The following PPP1R16B variants were observed in gnomAD, a reference collection of about 807,000 sequenced individuals.
PPP1R16B encodes protein phosphatase 1 regulatory inhibitor subunit 16B.
PPP1R16B carries 14 observed loss-of-function variants against 61.7 expected under a neutral mutation model. The ratio of observed to expected loss-of-function variants is 0.23; its 90% confidence interval spans 0.15 to 0.35. The LOEUF is 0.35. PPP1R16B is among the 10% of genes least tolerant of loss of function. PPP1R16B has a pLI of 1.00. For missense variants in PPP1R16B, 547 were observed against 752.5 expected, an observed-to-expected ratio of 0.73 and a Z score of 3.19; for synonymous variants, 266 against 305.3, an observed-to-expected ratio of 0.87 and a Z score of 1.34.
chr20:38,906,118 G>T (rs201970172), intron 7 of PPP1R16B, 24 bp downstream of exon 7: 2 of 1,607,246 alleles, frequency 1.2e-6, no homozygotes, highest in South Asian at 1.1e-5. Context: ...ACAGGGCTGT[G>T]GGGGAGGCCG....
intron 1 of PPP1R16B, among the ~76,000 whole-genome samples, chr20:38,829,425 C>G (rs1386004578): frequency 6.6e-6 from 1 of 152,226 alleles, no homozygotes; most frequent in African/African-American, 2.4e-5. Flanking sequence ...ACTCTGTTGA[C>G]TTGTGGGCCC....
chr20:38,893,267 C>G (rs1015906473), intron 3 of PPP1R16B, among the ~76,000 whole-genome samples: 1 of 152,134 alleles, frequency 6.6e-6, no homozygotes, highest in African/African-American at 2.4e-5. Context: ...CTATTGTTAT[C>G]ACTGCTATTG....
intron 1 of PPP1R16B, among the ~76,000 whole-genome samples, chr20:38,823,878 C>T (rs2084787881): frequency 6.6e-6 from 1 of 152,180 alleles, no homozygotes; most frequent in African/African-American, 2.4e-5. Flanking sequence ...TCAAGGACTC[C>T]TCTTACCGTC....
At position 38,901,927 on chromosome 20, in the gene PPP1R16B, A is replaced by G. The variant is rs1269649579; in HGVS notation, c.572-741A>G. ...TACTGTGGGTTTTGCTTACATTCTA[A>G]TGGTAGGGAATACTCAATTTCGTTT... On this transcript the variant is annotated intron_variant, in intron 5 of 10. Coordinates refer to ENST00000299824, the MANE Select transcript of PPP1R16B (RefSeq NM_015568.4). Among the ~76,000 whole-genome samples, 11 of 152,232 alleles carry G rather than the reference A, an allele frequency of 7.2e-5. No individual in the cohort carries two copies. In the East Asian group the frequency reaches 2.1e-3, roughly 29 times the overall value.
At chr20:38,833,308 G>A (rs2084849352) in intron 1 of PPP1R16B, among the ~76,000 whole-genome samples, 1 of 152,222 alleles carries the variant, frequency 6.6e-6, no homozygotes. Context: ...GACAGGAGTG[G>A]GTTGGAGGGG....
intron 1 of PPP1R16B, among the ~76,000 whole-genome samples, chr20:38,833,100 A>C (rs2084848160): frequency 1.3e-5 from 2 of 152,200 alleles, no homozygotes; most frequent in South Asian, 4.1e-4. Flanking sequence ...GGCCATCCAT[A>C]AAATGGAATA....
At chr20:38,829,932 G>A (rs1047289262) in intron 1 of PPP1R16B, among the ~76,000 whole-genome samples, 3 of 152,260 alleles carry the variant, frequency 2.0e-5, no homozygotes, top group South Asian at 2.1e-4. Context: ...AGGGGCTCGC[G>A]GGGAGGGCCA....
At chr20:38,867,134 G>C (rs1417452674) in intron 2 of PPP1R16B, among the ~76,000 whole-genome samples, 2 of 152,148 alleles carry the variant, frequency 1.3e-5, no homozygotes, top group Non-Finnish European at 2.9e-5. Flanking sequence ...TAGACCCCCT[G>C]TCCCCCGCCA....
chr20:38,813,339 A>C (rs2084713320), intron 1 of PPP1R16B, among the ~76,000 whole-genome samples: 1 of 152,244 alleles, frequency 6.6e-6, no homozygotes. Context: ...GACTTGTGAG[A>C]AGTACAGATG....
chr20:38,907,796 G>T lies in PPP1R16B; in HGVS notation c.899-10G>T. The T allele has an allele frequency of 6.2e-7, 1 of 1,613,952 alleles. No individual in the cohort carries two copies. ...CCCGTCCCCCACAACAGACTCCTCT[G>T]CCCCTTCAGACCTGTGCGAGGAGGA... On this transcript the variant is annotated splice_polypyrimidine_tract_variant and intron_variant, in intron 8 of 10. Transcript: ENST00000299824. The surrounding 1 kb of genome is among the most constrained non-coding windows in gnomAD (Gnocchi z 4.5).
intron 2 of PPP1R16B, among the ~76,000 whole-genome samples, chr20:38,880,126 C>T (rs142759991): frequency 3.9e-5 from 6 of 152,270 alleles, no homozygotes; most frequent in East Asian, 1.9e-4. Context: ...AGGAGCAGCA[C>T]GGTAGCCAAA....
intron 1 of PPP1R16B, among the ~76,000 whole-genome samples, chr20:38,833,938 G>A (rs1157114204): frequency 6.6e-6 from 1 of 152,204 alleles, no homozygotes; most frequent in Non-Finnish European, 1.5e-5. Context: ...GGCGACCCAG[G>A]AGATTAACAA....
chr20:38,896,153 T>TCCTC (rs1555807901), intron 4 of PPP1R16B, among the ~76,000 whole-genome samples: 1 of 83,440 alleles, frequency 1.2e-5, no homozygotes, highest in Non-Finnish European at 2.3e-5. Context: ...CCTTCTTTCT[T>TCCTC]CCTCCCTCCC....
chr20:38,824,552 C>T (rs916088660), intron 1 of PPP1R16B, among the ~76,000 whole-genome samples: 2 of 152,224 alleles, frequency 1.3e-5, no homozygotes, highest in Admixed American at 6.5e-5. Context: ...TTCCATCCCA[C>T]ACTGGCTATG....
At chr20:38,813,692 T>C (rs1202251904) in intron 1 of PPP1R16B, among the ~76,000 whole-genome samples, 1 of 151,976 alleles carries the variant, frequency 6.6e-6, no homozygotes, top group Non-Finnish European at 1.5e-5. Flanking sequence ...TTGGTACTTA[T>C]TATGAGCCAG....
rs890298067 is a variant in PPP1R16B, at chr20:38,907,345, GGATA to G, written c.898+294_898+297del. Among the ~76,000 whole-genome samples, 3 of 143,566 alleles carry G rather than the reference GGATA, an allele frequency of 2.1e-5. No individual in the cohort carries two copies. The highest frequency in any genetic ancestry group is 8.0e-5 in the African/African-American group (3 of 37,692). The allele number at this position is 143,566 out of a possible 152,430, so 94.2% of individuals were successfully genotyped here. A position where few individuals can be genotyped will look rare whatever the true frequency, so the allele number is the denominator to read the frequency against. ...TGGATGGATGGATGGATGGATGGAT[GGATA>G]GACAGAAAAATAAGTGGATGAGTGG... On this transcript the variant is annotated intron_variant, in intron 8 of 10. Transcript: ENST00000299824. The surrounding 1 kb of genome is among the most constrained non-coding windows in gnomAD (Gnocchi z 4.5).
chr20:38,841,806 T>G (rs117845957), intron 2 of PPP1R16B, among the ~76,000 whole-genome samples: 312 of 152,346 alleles, frequency 2.0e-3, no homozygotes, highest in Middle Eastern at 0.014. Context: ...TGTATAGATA[T>G]TCCGCATTTT....
rs913318386 is a variant in PPP1R16B, at chr20:38,919,994, G to T, written c.*1328G>T. On this transcript the variant is annotated 3_prime_UTR_variant, in exon 11 of 11. Coordinates refer to ENST00000299824, the MANE Select transcript of PPP1R16B (RefSeq NM_015568.4). ...CGCCTCACCCAGGGGCTCCCAGCCT[G>T]CACTTGCAGGAGTGGTGATGCCCCA... The T allele has an allele frequency of 6.6e-6, 1 of 152,250 alleles. No individual in the cohort carries two copies. The highest frequency in any genetic ancestry group is 1.5e-5 in the Non-Finnish European group (1 of 68,048). The allele number at this position is 152,250 out of a possible 1,614,324, so 9.4% of individuals were successfully genotyped here.
At chr20:38,856,289 G>A (rs2085008478) in intron 2 of PPP1R16B, among the ~76,000 whole-genome samples, 1 of 152,056 alleles carries the variant, frequency 6.6e-6, no homozygotes, top group Non-Finnish European at 1.5e-5. Flanking sequence ...CTGCAGTGGG[G>A]CAACAGAAGA....
Sources: gnomAD v4.1 joint callset for allele counts (sites outside exome capture counted in the v4.1 genomes callset) on GRCh38, gnomAD v4.1.1 for gene constraint, Gnocchi (gnomAD v3.1) non-coding constraint, MANE v1.5 for transcripts, NCBI Gene and HGNC (gene_info 2026-07-23, HGNC 2026-07-21) for gene names.